The following QRICH1 variants were observed in gnomAD, a reference collection of about 807,000 sequenced individuals.
QRICH1 encodes the protein glutamine rich 1.
A neutral mutation model predicts 87.1 loss-of-function variants in QRICH1; 16 were observed. That is an observed-to-expected ratio of 0.18 (90% CI 0.12 to 0.28). The LOEUF is 0.28. Among genes scored for constraint, QRICH1 ranks in the 10% least tolerant of loss-of-function variants. The pLI, the probability that QRICH1 is intolerant of heterozygous loss-of-function variation, is 1.00. For synonymous variants in QRICH1, 367 were observed against 368.4 expected (o/e 1.00, Z 0.05); for missense variants, 647 against 951.7 (o/e 0.68, Z 4.21).
At chr3:49,093,185 T>C (rs1362156538) in intron 1 of QRICH1, 2 of 152,196 alleles carry the variant, frequency 1.3e-5, no homozygotes, top group African/African-American at 4.8e-5. Context: ...AGGGGCTCAC[T>C]GCCCTCTCAA....
chr3:49,044,543 C>T, intron 5 of QRICH1, 39 bp from the exon 6 acceptor site: 1 of 1,385,374 alleles, frequency 7.2e-7, no homozygotes, highest in Non-Finnish European at 1.0e-6. Flanking sequence ...TTGGTAGTCT[C>T]CTGAACAAGG....
chr3:49,032,357 G>C (rs969970868), intron 8 of QRICH1, 84 bp from the exon 9 acceptor site: 12 of 1,049,960 alleles, frequency 1.1e-5, no homozygotes, highest in Non-Finnish European at 1.7e-5. Context: ...TAGGCTTTCA[G>C]CCAGCCCAAC....
At chr3:49,050,197 C>A (rs2093362037) in intron 3 of QRICH1, among the ~76,000 whole-genome samples, 1 of 136,196 alleles carries the variant, frequency 7.3e-6, no homozygotes, top group Admixed American at 8.3e-5. Context: ...TGCAGTGAGC[C>A]AAGATTGTGC....
intron 2 of QRICH1, among the ~76,000 whole-genome samples, chr3:49,068,501 T>C (rs1308979285): frequency 2.0e-5 from 3 of 149,802 alleles, no homozygotes; most frequent in African/African-American, 7.4e-5. Flanking sequence ...GCGTAGTAGC[T>C]GTAGTCCAAG....
intron 2 of QRICH1, among the ~76,000 whole-genome samples, chr3:49,074,663 T>TG (rs1236217100): frequency 1.3e-5 from 2 of 151,738 alleles, no homozygotes; most frequent in Non-Finnish European, 2.9e-5. Context: ...ATTTCAAAAC[T>TG]ATTCAGCTCT....
At chr3:49,085,772 A>G (rs1260291646) in intron 1 of QRICH1, among the ~76,000 whole-genome samples, 1 of 151,720 alleles carries the variant, frequency 6.6e-6, no homozygotes, top group Non-Finnish European at 1.5e-5. Flanking sequence ...AAAAAAAAAA[A>G]GAAAAAGAAA....
chr3:49,056,777 A>C (rs539601463), intron 3 of QRICH1, 85 bp downstream of exon 3: 4 of 1,588,048 alleles, frequency 2.5e-6, no homozygotes, highest in African/African-American at 2.7e-5. Context: ...AGCAGTAAAT[A>C]AGCCAGAGGT....
At position 49,045,512 on chromosome 3, in the gene QRICH1, C is replaced by A. The variant is rs185338695; in HGVS notation, c.1671+913G>T. Reference sequence around the variant, plus strand: ...ATGGCACAATCATAGCTGAATGCAGCCTCGCACTCCTGAGCTCAAGGGATC... The same window carrying A: ...ATGGCACAATCATAGCTGAATGCAGACTCGCACTCCTGAGCTCAAGGGATC... On this transcript the variant is annotated intron_variant, in intron 5 of 9. Coordinates refer to ENST00000395443, the MANE Select transcript of QRICH1 (RefSeq NM_198880.3). Among the ~76,000 whole-genome samples, 234 of 152,284 alleles carry A rather than the reference C, an allele frequency of 1.5e-3. 1 individual carries two copies. Among genetic ancestry groups the A allele is most frequent in the African/African-American group, 5.3e-3 (222 of 41,566 alleles).
intron 2 of QRICH1, 131 bp from the exon 3 acceptor site, chr3:49,058,021 T>C (rs767311657): frequency 1.1e-5 from 16 of 1,488,498 alleles, no homozygotes; most frequent in Middle Eastern, 3.4e-4. Flanking sequence ...ACTCAAGGCT[T>C]CTGAGAAGGA....
At chr3:49,067,937 C>T (rs959973379) in intron 2 of QRICH1, among the ~76,000 whole-genome samples, 17 of 151,074 alleles carry the variant, frequency 1.1e-4, no homozygotes, top group African/African-American at 1.2e-4. Context: ...GGCGATAGAG[C>T]GAGACTCCGT....
At chr3:49,045,973 T>C (rs1040943492) in intron 5 of QRICH1, among the ~76,000 whole-genome samples, 1 of 151,640 alleles carries the variant, frequency 6.6e-6, no homozygotes, top group African/African-American at 2.4e-5. Flanking sequence ...TGGAGTAAAA[T>C]GCTGTGATCT....
chr3:49,038,298 T>C (rs1397492593), intron 6 of QRICH1, among the ~76,000 whole-genome samples: 5 of 151,994 alleles, frequency 3.3e-5, no homozygotes, highest in Non-Finnish European at 7.4e-5. Context: ...CCTGAACTCA[T>C]GATCCACCCG....
intron 1 of QRICH1, among the ~76,000 whole-genome samples, chr3:49,084,065 G>A (rs1222887454): frequency 6.6e-6 from 1 of 152,008 alleles, no homozygotes; most frequent in Non-Finnish European, 1.5e-5. Flanking sequence ...CTCCCAAAGT[G>A]CTGGGATTAC....
At chr3:49,078,370 C>T (rs543965358) in intron 1 of QRICH1, among the ~76,000 whole-genome samples, 91 of 143,492 alleles carry the variant, frequency 6.3e-4, no homozygotes, top group African/African-American at 2.2e-3. Flanking sequence ...ATGTGGAAAA[C>T]GAAGAATTAT....
At chr3:49,080,966 C>CAAAAAAA (rs34230924) in intron 1 of QRICH1, among the ~76,000 whole-genome samples, 1 of 24,796 alleles carries the variant, frequency 4.0e-5, no homozygotes, top group African/African-American at 1.9e-4. Flanking sequence ...AACTCCATCT[C>CAAAAAAA]AAAAAAAAAA....
chr3:49,076,786 A>G lies in QRICH1; in HGVS notation c.232T>C (p.Cys78Arg), dbSNP rs2041961234. ...EVAGSLLELA[C>R]PVTTSVQPQT... ...GGCTGAACACTGGTGGTGACTGGAC[A>G]GGCAAGTTCAAGCAAAGACCCAGCC... Residue 78 changes from cysteine (C) to arginine (R), a missense_variant, in exon 2 of 10, where the codon TGT (cysteine) becomes CGT (arginine). Physicochemically the swap from Cys to Arg is radical, Grantham distance 180. Around this residue, in one of 7 missense-constraint regions of QRICH1, gnomAD observed 56 missense variants for 109.6 expected, o/e 0.51. Transcript: ENST00000395443. The G allele has an allele frequency of 1.9e-6, 3 of 1,612,058 alleles. No homozygotes were observed. Among genetic ancestry groups the G allele is most frequent in the Non-Finnish European group, 2.5e-6 (3 of 1,178,804 alleles).
chr3:49,044,879 A>G (rs1034007115), intron 5 of QRICH1, among the ~76,000 whole-genome samples: 1 of 152,160 alleles, frequency 6.6e-6, no homozygotes, highest in African/African-American at 2.4e-5. Context: ...AATGGAGATG[A>G]TGGTATCTGC....
chr3:49,039,439 G>A (rs1474758869), intron 6 of QRICH1, among the ~76,000 whole-genome samples: 5 of 150,698 alleles, frequency 3.3e-5, no homozygotes, highest in Non-Finnish European at 5.9e-5. Context: ...CCAGCACTTC[G>A]GGAGGCCGAG....
chr3:49,050,856 G>A (rs757792394), intron 3 of QRICH1, among the ~76,000 whole-genome samples: 2 of 152,140 alleles, frequency 1.3e-5, no homozygotes, highest in Admixed American at 6.5e-5. Context: ...AACAGAAGCC[G>A]CTGAGTGACC....
Sources: gnomAD v4.1 joint callset for allele counts (sites outside exome capture counted in the v4.1 genomes callset) on GRCh38, gnomAD v4.1.1 for gene constraint, gnomAD v4.1.1 regional missense constraint, MANE v1.5 for transcripts, NCBI Gene and HGNC (gene_info 2026-07-23, HGNC 2026-07-21) for gene names.